Variants in FOXP2 observed in about 807,000 individuals in gnomAD.
FOXP2 encodes the protein forkhead box P2.
In FOXP2, 12 loss-of-function variants were observed where a neutral mutation model predicts 115.8. The observed-to-expected ratio is 0.10, with a 90% CI of 0.07 to 0.17. The LOEUF is 0.17. Among genes scored for constraint, FOXP2 ranks in the 10% least tolerant of loss-of-function variants. The pLI, the probability that FOXP2 is intolerant of heterozygous loss-of-function variation, is 1.00. For missense variants in FOXP2, 629 were observed against 843.5 expected (o/e 0.75, Z 3.15); for synonymous variants, 328 against 297.7 (o/e 1.10, Z -1.05).
chr7:114,690,672 C>T lies in FOXP2; in HGVS notation c.*746C>T. 2.2e-6 allele frequency: 1 copy of T among 454,464 alleles called. No individual in the cohort carries two copies. Among genetic ancestry groups the T allele is most frequent in the Non-Finnish European group, 4.4e-6 (1 of 226,776 alleles). 28.2% of individuals were successfully genotyped at this position (454,464 alleles called of 1,614,324 possible). The stretch of plus-strand genomic sequence containing the variant: ...GAAACATTTGCATATCTGCATAGAT[C>T]TTACAACTGTACTCTTTACCTCCTT... On this transcript the variant is annotated 3_prime_UTR_variant, in exon 17 of 17. Coordinates refer to ENST00000350908, the MANE Select transcript of FOXP2 (RefSeq NM_014491.4).
intron 2 of FOXP2, among the ~76,000 whole-genome samples, chr7:114,352,736 T>A (rs1004555504): frequency 1.3e-4 from 19 of 151,978 alleles, no homozygotes; most frequent in Admixed American, 9.9e-4. Context: ...CCTATAAACA[T>A]CCTGTCCCTA....
intron 3 of FOXP2, among the ~76,000 whole-genome samples, chr7:114,601,238 T>C (rs1334936532): frequency 6.6e-6 from 1 of 152,160 alleles, no homozygotes; most frequent in Non-Finnish European, 1.5e-5. Flanking sequence ...AGTGCTGGGA[T>C]TACAGGTGTG....
At chr7:114,366,751 G>T (rs1791891352) in intron 2 of FOXP2, 1 of 152,086 alleles carries the variant, frequency 6.6e-6, no homozygotes, top group South Asian at 2.1e-4. Context: ...AACAATTATT[G>T]CATCATGAAA....
chr7:114,512,136 T>TAACTTTTCA (rs1205392576), intron 2 of FOXP2, among the ~76,000 whole-genome samples: 6 of 152,186 alleles, frequency 3.9e-5, no homozygotes, highest in Non-Finnish European at 5.9e-5. Flanking sequence ...TTGTGAAAAG[T>TAACTTTTCA]CATGTTCTAG....
At chr7:114,279,279 A>G (rs184719365) in intron 1 of FOXP2, among the ~76,000 whole-genome samples, 46 of 152,322 alleles carry the variant, frequency 3.0e-4, no homozygotes, top group African/African-American at 8.2e-4. Context: ...GAGAGAGCTG[A>G]TAGTAGAGTA....
chr7:114,404,510 A>G (rs1442452915), intron 2 of FOXP2, among the ~76,000 whole-genome samples: 2 of 152,214 alleles, frequency 1.3e-5, no homozygotes, highest in Admixed American at 6.5e-5. Context: ...TCAGCTTTGT[A>G]TATGTTTAAT....
chr7:114,439,698 C>T (rs1245376250), intron 2 of FOXP2, among the ~76,000 whole-genome samples: 1 of 152,040 alleles, frequency 6.6e-6, no homozygotes, highest in African/African-American at 2.4e-5. Flanking sequence ...GTGTGCACCA[C>T]CACGCCTAGC....
intron 1 of FOXP2, among the ~76,000 whole-genome samples, chr7:114,145,435 T>TCC (rs1454316565): frequency 1.7e-4 from 10 of 59,414 alleles, no homozygotes; most frequent in Non-Finnish European, 2.2e-4. Flanking sequence ...TGCCATTTTT[T>TCC]CTTTTCTTTT....
chr7:114,408,896 G>T (rs1793100317), intron 2 of FOXP2, among the ~76,000 whole-genome samples: 1 of 151,982 alleles, frequency 6.6e-6, no homozygotes, highest in South Asian at 2.1e-4. Flanking sequence ...TAATTGACCA[G>T]AGTACTTGTT....
intron 1 of FOXP2, among the ~76,000 whole-genome samples, chr7:114,276,671 G>A (rs1321517253): frequency 1.3e-5 from 2 of 152,064 alleles, no homozygotes; most frequent in Non-Finnish European, 2.9e-5. Context: ...TCCTGTTCTG[G>A]TACTGGTTCC....
intron 13 of FOXP2, among the ~76,000 whole-genome samples, chr7:114,660,917 T>C (rs186734936): frequency 6.6e-6 from 1 of 152,130 alleles, no homozygotes; most frequent in Admixed American, 6.6e-5. Flanking sequence ...GAACAGCTTA[T>C]TAGTTCTAAC....
At chr7:114,524,058 G>A (rs1320236015) in intron 2 of FOXP2, among the ~76,000 whole-genome samples, 1 of 152,038 alleles carries the variant, frequency 6.6e-6, no homozygotes, top group Non-Finnish European at 1.5e-5. Context: ...ATTTTATCTG[G>A]CAACTCTACT....
upstream of FOXP2, chr7:114,162,925 A>G (rs928494569): frequency 6.6e-6 from 1 of 152,152 alleles, no homozygotes; most frequent in Non-Finnish European, 1.5e-5. Flanking sequence ...AATTGATTAA[A>G]AGTATAATTT....
At chr7:114,496,225 A>C (rs573573739) in intron 2 of FOXP2, among the ~76,000 whole-genome samples, 1 of 152,314 alleles carries the variant, frequency 6.6e-6, no homozygotes, top group South Asian at 2.1e-4. Flanking sequence ...ATGAAAGGAT[A>C]AACATTAACT....
At chr7:114,475,433 G>A (rs1796213841) in intron 2 of FOXP2, among the ~76,000 whole-genome samples, 1 of 152,016 alleles carries the variant, frequency 6.6e-6, no homozygotes, top group African/African-American at 2.4e-5. Flanking sequence ...AAGCCTGCAT[G>A]AAAGTAAAAG....
chr7:114,471,924 C>T (rs1400408837), intron 2 of FOXP2, among the ~76,000 whole-genome samples: 6 of 150,380 alleles, frequency 4.0e-5, no homozygotes, highest in Non-Finnish European at 7.4e-5. Context: ...TGCACTGCTG[C>T]ACTCCAGCCC....
intron 1 of FOXP2, among the ~76,000 whole-genome samples, chr7:114,117,660 A>T (rs1791446816): frequency 6.6e-6 from 1 of 152,172 alleles, no homozygotes; most frequent in African/African-American, 2.4e-5. Flanking sequence ...AAGGTATTTT[A>T]AGCAATGTTT....
intron 2 of FOXP2, among the ~76,000 whole-genome samples, chr7:114,316,015 G>A (rs1797267913): frequency 6.6e-6 from 1 of 152,124 alleles, no homozygotes; most frequent in African/African-American, 2.4e-5. Flanking sequence ...ATTTTAAACA[G>A]TGAAATCACC....
intron 2 of FOXP2, among the ~76,000 whole-genome samples, chr7:114,467,504 G>A (rs1339315874): frequency 6.6e-6 from 1 of 152,110 alleles, no homozygotes; most frequent in Admixed American, 6.6e-5. Flanking sequence ...GCCAAACAAA[G>A]TCCAACTGTG....
Sources: gnomAD v4.1 joint callset for allele counts (sites outside exome capture counted in the v4.1 genomes callset) on GRCh38, gnomAD v4.1.1 for gene constraint, MANE v1.5 for transcripts, NCBI Gene and HGNC (gene_info 2026-07-23, HGNC 2026-07-21) for gene names.